Variants in CPED1 observed in about 807,000 individuals in gnomAD.
CPED1 encodes cadherin-like and PC-esterase domain-containing protein 1.
CPED1 carries 114 observed loss-of-function variants against 128.2 expected under a neutral mutation model. The ratio of observed to expected loss-of-function variants is 0.89; its 90% CI spans 0.76 to 1.04. The LOEUF (loss-of-function observed/expected upper bound fraction) is 1.04, where lower values mean the gene tolerates loss of function less well. Ranked by LOEUF, CPED1 falls within the 50% of genes least tolerant of loss-of-function variation. The pLI is 0.00. For synonymous variants in CPED1, 462 were observed against 426.7 expected (o/e 1.08, Z -1.02); for missense variants, 1,211 against 1,207.1 (o/e 1.00, Z -0.05).
intron 2 of CPED1, among the ~76,000 whole-genome samples, chr7:121,001,879 T>C (rs1310288495): frequency 3.3e-5 from 5 of 152,068 alleles, no homozygotes; most frequent in Non-Finnish European, 7.4e-5. Flanking sequence ...GAGAGTACTT[T>C]GAAAAACATT....
chr7:121,163,131 C>T (rs1330696411), intron 16 of CPED1, among the ~76,000 whole-genome samples: 2 of 152,180 alleles, frequency 1.3e-5, no homozygotes, highest in African/African-American at 4.8e-5. Context: ...TACTTCCAGT[C>T]TCAACTCTCC....
chr7:121,180,756 A>G (rs1159717681), intron 16 of CPED1, among the ~76,000 whole-genome samples: 1 of 152,056 alleles, frequency 6.6e-6, no homozygotes, highest in Non-Finnish European at 1.5e-5. Context: ...TGATCTACCT[A>G]TAGGCTTTAA....
chr7:121,267,043 A>C (rs1792140572), intron 20 of CPED1, among the ~76,000 whole-genome samples, 172 bp from the exon 21 acceptor site: 1 of 151,930 alleles, frequency 6.6e-6, no homozygotes, highest in Admixed American at 6.6e-5. Context: ...GACACCTAAA[A>C]CTCTATCTTA....
intron 7 of CPED1, among the ~76,000 whole-genome samples, chr7:121,117,362 A>G (rs1468711054): frequency 6.6e-6 from 1 of 151,876 alleles, no homozygotes; most frequent in African/African-American, 2.4e-5. Context: ...CGGCCTCCCA[A>G]AGTGCTGGGA....
intron 18 of CPED1, among the ~76,000 whole-genome samples, chr7:121,250,442 G>C (rs1232336484): frequency 6.6e-6 from 1 of 151,630 alleles, no homozygotes; most frequent in African/African-American, 2.4e-5. Flanking sequence ...ACATTCAAAA[G>C]CTAGCAGAAG....
At chr7:121,173,849 A>G (rs1796712879) in intron 16 of CPED1, among the ~76,000 whole-genome samples, 1 of 152,038 alleles carries the variant, frequency 6.6e-6, no homozygotes, top group Non-Finnish European at 1.5e-5. Flanking sequence ...ACCCCCACCA[A>G]CAGTTTATAA....
At chr7:121,279,471 C>CACAATA (rs763319933) in intron 22 of CPED1, among the ~76,000 whole-genome samples, 27,706 of 124,168 alleles carry the variant, frequency 0.22, 2,752 homozygotes, top group South Asian at 0.3. Flanking sequence ...AAAGAAAAAA[C>CACAATA]AGAATAACTC....
intron 4 of CPED1, among the ~76,000 whole-genome samples, chr7:121,047,723 T>TCTTCCTCTTCTTCCTCTTC (rs1793250630): frequency 7.4e-6 from 1 of 134,436 alleles, no homozygotes; most frequent in African/African-American, 3.0e-5. Flanking sequence ...TTCTTTTTTT[T>TCTTCCTCTTCTTCCTCTTC]TTTTTGAGAC....
intron 22 of CPED1, 54 bp from the exon 23 acceptor site, chr7:121,295,386 A>G: frequency 6.5e-7 from 1 of 1,548,878 alleles, no homozygotes; most frequent in Non-Finnish European, 8.7e-7. Context: ...TTAGTTATGC[A>G]GGGATTGGAT....
At chr7:121,031,039 C>T (rs576390629) in intron 3 of CPED1, among the ~76,000 whole-genome samples, 30 of 152,348 alleles carry the variant, frequency 2.0e-4, no homozygotes, top group African/African-American at 7.2e-4. Context: ...AGTTTATCAT[C>T]AAACCTGAGC....
chr7:121,280,828 T>C (rs1416679358), intron 22 of CPED1, among the ~76,000 whole-genome samples: 2 of 152,198 alleles, frequency 1.3e-5, no homozygotes, highest in Non-Finnish European at 2.9e-5. Context: ...AGGCTACTTT[T>C]TCAGCTGGTC....
chr7:121,204,249 G>C (rs1162913510), intron 16 of CPED1, among the ~76,000 whole-genome samples: 3 of 152,072 alleles, frequency 2.0e-5, no homozygotes, highest in African/African-American at 7.2e-5. Context: ...GTGGCCAGAA[G>C]AGACTGAGCA....
At chr7:121,225,112 C>T (rs1437798502) in intron 16 of CPED1, among the ~76,000 whole-genome samples, 12 of 152,086 alleles carry the variant, frequency 7.9e-5, no homozygotes, top group South Asian at 6.2e-4. Flanking sequence ...TGGCTGGTAC[C>T]GGTTGTTTCT....
chr7:121,169,651 A>G (rs1460227435), intron 16 of CPED1, among the ~76,000 whole-genome samples: 1 of 152,210 alleles, frequency 6.6e-6, no homozygotes, highest in Non-Finnish European at 1.5e-5. Flanking sequence ...CCAGTGCCTG[A>G]TGTAATAAAC....
intron 5 of CPED1, among the ~76,000 whole-genome samples, chr7:121,069,906 C>T (rs535688180): frequency 9.9e-5 from 15 of 151,980 alleles, no homozygotes; most frequent in African/African-American, 2.9e-4. Context: ...AAAAGTTTGC[C>T]CAATTTTTGG....
At chr7:121,255,587 T>G (rs1426348538) in intron 18 of CPED1, among the ~76,000 whole-genome samples, 1 of 151,882 alleles carries the variant, frequency 6.6e-6, no homozygotes, top group African/African-American at 2.4e-5. Flanking sequence ...GAGAAAGAAA[T>G]AAATGGCATC....
chr7:121,176,302 T>A (rs1216770745), intron 16 of CPED1, among the ~76,000 whole-genome samples: 1 of 150,206 alleles, frequency 6.7e-6, no homozygotes, highest in Non-Finnish European at 1.5e-5. Flanking sequence ...GGAATATCCA[T>A]AAATAAATCA....
intron 18 of CPED1, among the ~76,000 whole-genome samples, chr7:121,262,549 A>AT (rs1281462472): frequency 6.6e-6 from 1 of 151,994 alleles, no homozygotes; most frequent in Non-Finnish European, 1.5e-5. Flanking sequence ...ACCACATCAC[A>AT]TTTTTTCTCT....
chr7:121,179,474 T>G (rs1014108244), intron 16 of CPED1, among the ~76,000 whole-genome samples: 1 of 152,116 alleles, frequency 6.6e-6, no homozygotes, highest in Admixed American at 6.6e-5. Context: ...CAGACCTTGC[T>G]GAAGTACTAT....
Sources: allele counts gnomAD v4.1 joint callset (sites outside exome capture counted in the v4.1 genomes callset), GRCh38; gene constraint gnomAD v4.1.1; transcripts MANE v1.5; gene names NCBI Gene and HGNC (gene_info 2026-07-23, HGNC 2026-07-21).